Variants in RYR2 observed in about 807,000 individuals in gnomAD.
The protein encoded by RYR2 is ryanodine receptor 2.
A neutral mutation model predicts 601.1 loss-of-function variants in RYR2; 227 were observed. The observed-to-expected ratio is 0.38, with a 90% CI of 0.34 to 0.42. The LOEUF (loss-of-function observed/expected upper bound fraction) is 0.42, where lower values mean the gene tolerates loss of function less well. Among genes scored for constraint, RYR2 ranks in the 10% least tolerant of loss-of-function variants. The probability of loss-of-function intolerance (pLI) is 1.00; values close to 1 mark genes in which losing one functional copy is unlikely to be tolerated. For missense variants in RYR2, 4,646 were observed against 6,156.5 expected (o/e 0.75, Z 8.21); for synonymous variants, 2,223 against 2,175.1 (o/e 1.02, Z -0.61).
chr1:237,565,171 CTTTCTT>C (rs1671884809), intron 27 of RYR2, among the ~76,000 whole-genome samples: 1 of 30,838 alleles, frequency 3.2e-5, no homozygotes, highest in Non-Finnish European at 8.8e-5. Context: ...TTCTTTCTTT[CTTTCTT>C]TCTTTCTTTC....
intron 80 of RYR2, among the ~76,000 whole-genome samples, chr1:237,749,117 C>A (rs1323093694): frequency 6.6e-6 from 1 of 152,192 alleles, no homozygotes; most frequent in South Asian, 2.1e-4. Flanking sequence ...TATTTGTGCA[C>A]TTTTCATGTG....
At chr1:237,362,612 C>A (rs1558686349) in intron 4 of RYR2, among the ~76,000 whole-genome samples, 1 of 152,076 alleles carries the variant, frequency 6.6e-6, no homozygotes, top group Non-Finnish European at 1.5e-5. Context: ...TTTTAATGCG[C>A]TTTGCTTTCT....
chr1:237,436,840 A>G (rs1707432639), intron 12 of RYR2, among the ~76,000 whole-genome samples: 1 of 149,694 alleles, frequency 6.7e-6, no homozygotes, highest in Admixed American at 6.7e-5. Context: ...CTATAGGACT[A>G]GTTTTAGTCT....
intron 24 of RYR2, among the ~76,000 whole-genome samples, chr1:237,524,416 G>C (rs1667377281): frequency 6.6e-6 from 1 of 152,192 alleles, no homozygotes; most frequent in South Asian, 2.1e-4. Context: ...AGAAACGCCT[G>C]CAGCAGGCAT....
At chr1:237,063,322 T>C (rs1291969600) in intron 1 of RYR2, among the ~76,000 whole-genome samples, 2 of 152,216 alleles carry the variant, frequency 1.3e-5, no homozygotes, top group East Asian at 1.9e-4. Context: ...GTTTGAACTA[T>C]GATATTTATT....
chr1:237,654,857 G>A (rs549031581), intron 52 of RYR2, among the ~76,000 whole-genome samples: 13 of 152,262 alleles, frequency 8.5e-5, no homozygotes, highest in South Asian at 8.3e-4. Flanking sequence ...AGATACCGTC[G>A]CTCAATGTTG....
chr1:237,700,126 G>A, intron 64 of RYR2, 103 bp from the exon 65 acceptor site: 1 of 769,018 alleles, frequency 1.3e-6, no homozygotes, highest in Non-Finnish European at 2.1e-6. Flanking sequence ...GTTACCAGGT[G>A]AGTAGAGTAA....
intron 1 of RYR2, among the ~76,000 whole-genome samples, chr1:237,172,414 T>G (rs2148911024): frequency 6.6e-6 from 1 of 152,206 alleles, no homozygotes; most frequent in East Asian, 1.9e-4. Context: ...TTATGTCACC[T>G]TGCTTGTTTA....
intron 52 of RYR2, 150 bp from the exon 53 acceptor site, chr1:237,655,671 G>A: frequency 1.5e-6 from 1 of 680,912 alleles, no homozygotes. Context: ...TAGGCCCTGT[G>A]TTTCATTTTC....
chr1:237,058,025 G>A (rs544506762), intron 1 of RYR2, among the ~76,000 whole-genome samples: 55 of 152,284 alleles, frequency 3.6e-4, no homozygotes, highest in Non-Finnish European at 2.2e-4. Context: ...AATTTGCAGT[G>A]GTTTGGTGAT....
intron 10 of RYR2, among the ~76,000 whole-genome samples, chr1:237,404,314 G>A (rs1186261267): frequency 6.6e-6 from 1 of 152,114 alleles, no homozygotes; most frequent in Non-Finnish European, 1.5e-5. Context: ...TGAGTCAAGG[G>A]GAAAGTAACT....
At chr1:237,156,472 G>T (rs967783792) in intron 1 of RYR2, among the ~76,000 whole-genome samples, 7 of 152,138 alleles carry the variant, frequency 4.6e-5, no homozygotes, top group African/African-American at 1.4e-4. Context: ...AATTTTGCTT[G>T]ATTCAATGTT....
At chr1:237,341,444 A>T (rs1464305975) in intron 3 of RYR2, among the ~76,000 whole-genome samples, 1 of 152,138 alleles carries the variant, frequency 6.6e-6, no homozygotes, top group East Asian at 1.9e-4. Flanking sequence ...AAGCAAAAAC[A>T]ACAATTAACA....
chr1:237,556,049 A>G (rs1338055526), intron 27 of RYR2, among the ~76,000 whole-genome samples: 1 of 152,124 alleles, frequency 6.6e-6, no homozygotes, highest in Admixed American at 6.5e-5. Flanking sequence ...GTAAAATGTT[A>G]AGAAGTTATT....
At chr1:237,536,203 T>G (rs973419673) in intron 25 of RYR2, among the ~76,000 whole-genome samples, 1 of 152,254 alleles carries the variant, frequency 6.6e-6, no homozygotes, top group Non-Finnish European at 1.5e-5. Flanking sequence ...TTAACCTTGC[T>G]TTATTTCTTT....
intron 1 of RYR2, among the ~76,000 whole-genome samples, chr1:237,219,971 A>G (rs17626494): frequency 0.15 from 22,915 of 152,266 alleles, 2,130 homozygotes; most frequent in Non-Finnish European, 0.22. Context: ...CATACCTGTC[A>G]TGTGCATGCA....
At chr1:237,231,297 A>T (rs1684973144) in intron 1 of RYR2, among the ~76,000 whole-genome samples, 1 of 151,178 alleles carries the variant, frequency 6.6e-6, no homozygotes, top group African/African-American at 2.4e-5. Flanking sequence ...AAATAGAGAT[A>T]GTGTCTTTTT....
chr1:237,821,879 A>G (rs1662547787), intron 101 of RYR2, among the ~76,000 whole-genome samples: 1 of 151,742 alleles, frequency 6.6e-6, no homozygotes, highest in African/African-American at 2.4e-5. Context: ...TGTGAAGCAT[A>G]TATAAGTAGC....
rs757835124 is a variant in RYR2 at position 237,496,478 on chromosome 1, CT to C, written c.1962-30del. 72 of 1,594,090 alleles carry C rather than the reference CT, an allele frequency of 4.5e-5. 1 individual carries two copies. The South Asian group carries it at 5.9e-4, about 13-fold the overall frequency. ...GAAAACAATGAAAGGTTTTTTTGGACTTTCCTTACATGTGATTCCCGTCTCT... is the reference window on the plus strand; with the variant it reads ...GAAAACAATGAAAGGTTTTTTTGGACTTCCTTACATGTGATTCCCGTCTCT... On this transcript the variant is annotated intron_variant, in intron 19 of 104. Coordinates refer to ENST00000366574, the MANE Select transcript of RYR2 (RefSeq NM_001035.3).
Sources: gnomAD v4.1 joint callset for allele counts (sites outside exome capture counted in the v4.1 genomes callset) on GRCh38, gnomAD v4.1.1 for gene constraint, MANE v1.5 for transcripts, NCBI Gene and HGNC (gene_info 2026-07-23, HGNC 2026-07-21) for gene names.